Variants in MYH6 observed in about 807,000 individuals in gnomAD.
MYH6 encodes myosin-6.
In MYH6, 126 loss-of-function variants were observed where a neutral mutation model predicts 223.2. The observed-to-expected ratio is 0.56, with a 90% CI of 0.49 to 0.65. MYH6 has a LOEUF of 0.65. Ranked by LOEUF, MYH6 falls within the 30% of genes least tolerant of loss-of-function variation. MYH6 has a pLI of 0.00. For missense variants in MYH6, 2,040 were observed against 2,536.4 expected, an observed-to-expected ratio of 0.80 and a Z score of 4.20; for synonymous variants, 978 against 1,010.2, an observed-to-expected ratio of 0.97 and a Z score of 0.61.
Position 23,407,476 on chromosome 14 carries a change from T to C in MYH6, c.-14+100A>G. 1 of 1,277,408 alleles carries C rather than the reference T, an allele frequency of 7.8e-7. No homozygotes were observed. The highest frequency in any genetic ancestry group is 1.0e-6 in the Non-Finnish European group (1 of 969,908). 79.1% of individuals were successfully genotyped at this position (1,277,408 alleles called of 1,614,324 possible). The stretch of plus-strand genomic sequence containing the variant: ...GCATTGGCTGGAGTATGCTAAGGGT[T>C]GGCGCTGAGTGCTTGGGACAGCAGA... On this transcript the variant is annotated intron_variant, in intron 2 of 38. Coordinates refer to ENST00000405093, the MANE Select transcript of MYH6 (RefSeq NM_002471.4). This position sits in a 1 kb window ranked among gnomAD's most constrained non-coding sequence, Gnocchi z 5.6.
chr14:23,386,512 C>T lies in MYH6; in HGVS notation c.4762G>A (p.Ala1588Thr), dbSNP rs1232596437. The change falls in exon 33 of 39, where the codon GCC (alanine) becomes ACC (threonine). Residue 1588 changes from alanine (A) to threonine (T), a missense_variant. Around this residue, in one of 4 missense-constraint regions of MYH6, gnomAD observed 1,203 missense variants for 1,400.2 expected, o/e 0.86. Transcript: ENST00000405093. ...ACCACCCGCTGGTGGTTGCGCTTGG[C>T]CTGTTCCATCTCCTCGTCCTTCTCT... ...LAEKDEEMEQAKRNHQRVVDS... is the reference protein window; with the variant it reads ...LAEKDEEMEQTKRNHQRVVDS... 1.2e-6 allele frequency: 2 copies of T among 1,614,158 alleles called. No individual in the cohort carries two copies. Among genetic ancestry groups the T allele is most frequent in the Middle Eastern group, 1.7e-4 (1 of 6,060 alleles).
rs564367705 is a variant in MYH6, at chr14:23,390,342, G to A, written c.3447C>T (p.Ser1149=). ...SDLSRELEEI[S]ERLEEAGGAT... is the part of the protein sequence containing the mutation. ...CCCCGCCGGCCTCTTCCAGCCGCTCGCTGATCTCCTCCAGCTCCCGAGACA... is the reference window on the plus strand; with the variant it reads ...CCCCGCCGGCCTCTTCCAGCCGCTCACTGATCTCCTCCAGCTCCCGAGACA... The change falls in exon 26 of 39, where the codon AGC becomes AGT. Residue 1149 remains serine (S), a synonymous_variant. Transcript: ENST00000405093. 5.6e-6 allele frequency: 9 copies of A among 1,608,138 alleles called. No homozygotes were observed. Among genetic ancestry groups the A allele is most frequent in the African/African-American group, 4.0e-5 (3 of 74,492 alleles).
intron 36 of MYH6, among the ~76,000 whole-genome samples, chr14:23,384,080 A>G (rs1298781610): frequency 6.6e-6 from 1 of 152,018 alleles, no homozygotes; most frequent in Non-Finnish European, 1.5e-5. Context: ...CAGAAGTTCT[A>G]TGGAAGATTT....
chr14:23,392,685 A>G (rs747152368), intron 24 of MYH6, 33 bp from the exon 25 acceptor site: 4 of 1,462,234 alleles, frequency 2.7e-6, no homozygotes, highest in African/African-American at 1.4e-5. Context: ...GGGGAGTGAC[A>G]GGTAGCCTTC....
intron 15 of MYH6, among the ~76,000 whole-genome samples, chr14:23,398,291 C>T (rs1425242150): frequency 3.3e-5 from 5 of 152,154 alleles, no homozygotes; most frequent in East Asian, 1.9e-4. Flanking sequence ...GCTGGGATTA[C>T]AGGCGTGAGC....
chr14:23,388,092 C>T (rs1294214485), intron 30 of MYH6, 63 bp downstream of exon 30: 3 of 1,611,476 alleles, frequency 1.9e-6, no homozygotes, highest in African/African-American at 2.7e-5. Flanking sequence ...CCTTTGGCCT[C>T]TCACTGAACC....
rs758046762 is a variant in MYH6 at position 23,393,922 on chromosome 14, A to G, written c.2686-14T>C. Reference sequence around the variant, plus strand: ...GTTGTCTTGTTCCTGGGAGAAGAGAACAGGGAGGAAGCTGATGGTTAAAGA... The same window carrying G: ...GTTGTCTTGTTCCTGGGAGAAGAGAGCAGGGAGGAAGCTGATGGTTAAAGA... On this transcript the variant is annotated splice_polypyrimidine_tract_variant and intron_variant, in intron 21 of 38. Transcript: ENST00000405093. The G allele has an allele frequency of 2.2e-5, 35 of 1,614,172 alleles. No homozygotes were observed. The highest frequency in any genetic ancestry group is 2.9e-5 in the Non-Finnish European group (34 of 1,180,046).
Position 23,384,457 on chromosome 14 carries a change from C to T in MYH6, c.5550G>A (p.Lys1850=), listed in dbSNP as rs766613910. Residue 1850 remains lysine (K), a synonymous_variant, in exon 36 of 39, where the codon AAG becomes AAA. Transcript: ENST00000405093. Reference sequence around the variant, plus strand: ...TCCGCCGCACCTGGTAGGTGAGCTCCTTGATGCGCCGCTCGCTCTTCCTCA... The same window carrying T: ...TCCGCCGCACCTGGTAGGTGAGCTCTTTGATGCGCCGCTCGCTCTTCCTCA... ...KGMRKSERRI[K]ELTYQTEEDK... The T allele has an allele frequency of 1.2e-6, 2 of 1,611,356 alleles. No individual in the cohort carries two copies. Among genetic ancestry groups the T allele is most frequent in the South Asian group, 1.1e-5 (1 of 91,072 alleles).
chr14:23,403,426 C>T lies in MYH6; in HGVS notation c.820G>A (p.Val274Met). ...IETYLLEKSR[V>M]IFQLKAERNY... is the part of the protein sequence containing the mutation. Reference sequence around the variant, plus strand: ...CTCTCAGCTTTCAGCTGGAAGATCACCCGGGACTTCTCCAGCAGGTCTGAG... The same window carrying T: ...CTCTCAGCTTTCAGCTGGAAGATCATCCGGGACTTCTCCAGCAGGTCTGAG... Residue 274 changes from valine to methionine, a missense_variant, in exon 10 of 39, where the codon GTG becomes ATG. Physicochemically the swap from Val to Met is conservative, Grantham distance 21. Transcript: ENST00000405093. The T allele has an allele frequency of 1.9e-6, 3 of 1,613,954 alleles. No homozygotes were observed. The highest frequency in any genetic ancestry group is 2.5e-6 in the Non-Finnish European group (3 of 1,179,960).
chr14:23,400,093 G>T, intron 14 of MYH6, 163 bp downstream of exon 14: 1 of 1,055,368 alleles, frequency 9.5e-7, no homozygotes, highest in Non-Finnish European at 1.4e-6. Flanking sequence ...AGAGTGGGGG[G>T]ATCATCCTGT....
Position 23,398,708 on chromosome 14 carries a change from T to C in MYH6, c.1891+20A>G, listed in dbSNP as rs754816458. ...TGTCTTCAGAAGTCCCCTGGCCCAG[T>C]GCAGGGGCTGCCTGCTTACCAGTAT... On this transcript the variant is annotated intron_variant, in intron 15 of 38. Transcript: ENST00000405093. The C allele has an allele frequency of 3.7e-6, 6 of 1,613,636 alleles. No homozygotes were observed. Among genetic ancestry groups the C allele is most frequent in the East Asian group, 2.2e-5 (1 of 44,880 alleles).
intron 19 of MYH6, 90 bp from the exon 20 acceptor site, chr14:23,396,510 C>G: frequency 1.3e-6 from 2 of 1,576,156 alleles, no homozygotes; most frequent in Non-Finnish European, 1.7e-6. Context: ...GGTGACCCAT[C>G]ACCCCATGCC....
chr14:23,388,884 G>A lies in MYH6; in HGVS notation c.4150C>T (p.Arg1384Trp), dbSNP rs763926580. ...TTGGCCTCTTCGAGCTCCTCAGTCC[G>A]CTGAATGGCGTCCGTCTCATACTTG... ...RTKYETDAIQ[R>W]TEELEEAKKK... The change falls in exon 29 of 39, where the codon CGG becomes TGG. Residue 1384 changes from arginine (R) to tryptophan (W), a missense_variant. Arg to Trp is a moderately radical substitution (Grantham distance 101). This residue lies in a region of MYH6 where 1,203 missense variants were observed against 1,400.2 expected (regional missense o/e 0.86). Coordinates refer to ENST00000405093, the MANE Select transcript of MYH6 (RefSeq NM_002471.4). 32 of 1,613,768 alleles carry A rather than the reference G, an allele frequency of 2.0e-5. No homozygotes were observed. The highest frequency in any genetic ancestry group is 3.3e-5 in the Admixed American group (2 of 60,028).
rs535936347 is a variant in MYH6 at position 23,407,934 on chromosome 14, G to C, written c.-47+319C>G. Among the ~76,000 whole-genome samples, 1 of 152,284 alleles carries C rather than the reference G, an allele frequency of 6.6e-6. No individual in the cohort carries two copies. The highest frequency in any genetic ancestry group is 1.9e-4 in the East Asian group (1 of 5,184). ...TGTGACAAGTGTCGATGAAGACCAA[G>C]AGGCAAGATAAAACCAGGATCAAGG... On this transcript the variant is annotated intron_variant, in intron 1 of 38. Transcript: ENST00000405093. The surrounding 1 kb of genome is among the most constrained non-coding windows in gnomAD (Gnocchi z 5.6).
chr14:23,393,876 G>C lies in MYH6; in HGVS notation c.2718C>G (p.Arg906=). 6.2e-7 allele frequency: 1 copy of C among 1,614,178 alleles called. No individual in the cohort carries two copies. Among genetic ancestry groups the C allele is most frequent in the Non-Finnish European group, 8.5e-7 (1 of 1,180,042 alleles). ...TCTTGTTTTTGATCAGCTGGTCGCA[G>C]CGCTCCTCAGCATCATTGAGGTTGT... is the stretch of plus-strand genomic sequence containing the variant. The part of the protein sequence containing the change: ...EQDNLNDAEE[R]CDQLIKNKIQ... The change falls in exon 22 of 39, where the codon CGC becomes CGG. Residue 906 remains arginine (R), a synonymous_variant. Transcript: ENST00000405093.
Position 23,389,101 on chromosome 14 carries a change from C to T in MYH6, c.3979-46G>A, listed in dbSNP as rs953055948. On this transcript the variant is annotated intron_variant, in intron 28 of 38. Coordinates refer to ENST00000405093, the MANE Select transcript of MYH6 (RefSeq NM_002471.4). The stretch of plus-strand genomic sequence containing the variant: ...CAGGAGGTGGGAGGGACTCCCTGTG[C>T]CCCATTCTCTAGATTCTCTTCTTAT... 7 of 1,551,776 alleles carry T rather than the reference C, an allele frequency of 4.5e-6. No homozygotes were observed. In the Admixed American group the frequency reaches 5.5e-5, roughly 12 times the overall value.
At chr14:23,401,011 C>T (rs1891584101) in intron 12 of MYH6, 34 bp from the exon 13 acceptor site, 2 of 1,455,346 alleles carry the variant, frequency 1.4e-6, no homozygotes, top group African/African-American at 1.4e-5. Context: ...TGAGCACTTC[C>T]TTTTTTTTTT....
chr14:23,395,177 C>A (rs1450778580), intron 20 of MYH6, among the ~76,000 whole-genome samples: 2 of 152,172 alleles, frequency 1.3e-5, no homozygotes, highest in Non-Finnish European at 2.9e-5. Flanking sequence ...ATGTATGTAT[C>A]TTTAAACAAT....
rs1890978672 is a variant in MYH6 at position 23,385,030 on chromosome 14, G to A, written c.5175C>T (p.Leu1725=). The A allele has an allele frequency of 4.3e-6, 7 of 1,614,176 alleles. No individual in the cohort carries two copies. The highest frequency in any genetic ancestry group is 1.7e-5 in the Admixed American group (1 of 60,022). The change falls in exon 35 of 39, where the codon CTC becomes CTT. Residue 1725 remains leucine, a synonymous_variant. Coordinates refer to ENST00000405093, the MANE Select transcript of MYH6 (RefSeq NM_002471.4). ...VQLLHSQNTS[L]INQKKKMESD... ...ACTCCATCTTCTTCTTCTGGTTGAT[G>A]AGGCTGGTGTTCTAGACATGGAGAG... is the stretch of plus-strand genomic sequence containing the variant.
Sources: gnomAD v4.1 joint callset for allele counts (sites outside exome capture counted in the v4.1 genomes callset) on GRCh38, gnomAD v4.1.1 for gene constraint, gnomAD v4.1.1 regional missense constraint, Gnocchi (gnomAD v3.1) non-coding constraint, MANE v1.5 for transcripts, NCBI Gene and HGNC (gene_info 2026-07-23, HGNC 2026-07-21) for gene names.